The following COL4A4 variants were observed in gnomAD, a reference collection of about 807,000 sequenced individuals.
The protein encoded by COL4A4 is collagen type IV alpha 4 chain.
In COL4A4, 105 loss-of-function variants were observed where a neutral mutation model predicts 192.9. The observed-to-expected ratio is 0.54, with a 90% CI of 0.46 to 0.64. The LOEUF (loss-of-function observed/expected upper bound fraction) is 0.64, where lower values mean the gene tolerates loss of function less well. Ranked by LOEUF, COL4A4 falls within the 30% of genes least tolerant of loss-of-function variation. The probability of loss-of-function intolerance (pLI) is 0.00; values close to 1 mark genes in which losing one functional copy is unlikely to be tolerated. For synonymous variants in COL4A4, 762 were observed against 769.9 expected, an observed-to-expected ratio of 0.99 and a Z score of 0.17; for missense variants, 1,967 against 2,169.3, an observed-to-expected ratio of 0.91 and a Z score of 1.85.
chr2:227,126,138 A>G (rs1322872992), intron 4 of COL4A4, among the ~76,000 whole-genome samples: 5 of 152,242 alleles, frequency 3.3e-5, no homozygotes, highest in African/African-American at 4.8e-5. Flanking sequence ...TAACAACTGT[A>G]TACTGTATAT....
At chr2:227,041,846 A>AAGAAAGAAAGAAAGAGAGAG (rs1559478097) in intron 37 of COL4A4, among the ~76,000 whole-genome samples, 2 of 39,302 alleles carry the variant, frequency 5.1e-5, no homozygotes, top group Admixed American at 2.9e-4. Context: ...GAAAGAAAGA[A>AAGAAAGAAAGAAAGAGAGAG]AGAGAAAGAA....
intron 1 of COL4A4, among the ~76,000 whole-genome samples, chr2:227,153,836 G>A (rs2064133538): frequency 6.6e-6 from 1 of 152,144 alleles, no homozygotes; most frequent in Non-Finnish European, 1.5e-5. Context: ...AAGGACAGAT[G>A]GTTTCATGAA....
rs57119611 is a variant in COL4A4, at chr2:227,020,880, C to CTTTTTTTTTTTTTTTTTTTT, written c.4216+1167_4216+1168insAAAAAAAAAAAAAAAAAAAA. ...CAAACCATTCGGAGAACACTTTTTT[C>CTTTTTTTTTTTTTTTTTTTT]TTTTTTTTTTTTTTTTGAGATGGAG... On this transcript the variant is annotated intron_variant, in intron 44 of 47. Coordinates refer to ENST00000396625, the MANE Select transcript of COL4A4 (RefSeq NM_000092.5). Among the ~76,000 whole-genome samples the CTTTTTTTTTTTTTTTTTTTT allele has an allele frequency of 2.4e-5, 3 of 127,594 alleles. 1 individual carries two copies. The highest frequency in any genetic ancestry group is 3.2e-5 in the African/African-American group (1 of 31,572). The allele number at this position is 127,594 out of a possible 152,430, so 83.7% of individuals were successfully genotyped here. A position where few individuals can be genotyped will look rare whatever the true frequency, so the allele number is the denominator to read the frequency against.
rs753633662 is a variant in COL4A4, at chr2:227,011,583, T to C, written c.4333+598A>G. On this transcript the variant is annotated intron_variant, in intron 45 of 47. Transcript: ENST00000396625. ...GACTCTCTGGAGATGGGATTGTGTC[T>C]CAGGCTCTTTGGATCCATGCGCCTA... Among the ~76,000 whole-genome samples the C allele has an allele frequency of 8.5e-5, 13 of 152,370 alleles. No homozygotes were observed. In the South Asian group the frequency reaches 1.7e-3, roughly 19 times the overall value.
intron 3 of COL4A4, among the ~76,000 whole-genome samples, chr2:227,140,668 G>C (rs887853739): frequency 1.3e-5 from 2 of 151,852 alleles, no homozygotes; most frequent in African/African-American, 4.8e-5. Flanking sequence ...ATCAGCTACA[G>C]TGTATCTCCT....
chr2:226,975,330 G>T, the COL4A4 span, among the ~76,000 whole-genome samples: 2 of 151,970 alleles, frequency 1.3e-5, no homozygotes, highest in Non-Finnish European at 2.9e-5. Context: ...AAATCATCAC[G>T]TTGTACACCT....
At chr2:227,102,957 T>C (rs1230806754) in intron 14 of COL4A4, 109 bp from the exon 15 acceptor site, 2 of 1,219,110 alleles carry the variant, frequency 1.6e-6, no homozygotes, top group Non-Finnish European at 2.4e-6. Context: ...ACAAAAATTA[T>C]TGTCAGCAGC....
intron 37 of COL4A4, among the ~76,000 whole-genome samples, chr2:227,034,639 A>C (rs1456781267): frequency 1.3e-5 from 2 of 150,972 alleles, no homozygotes; most frequent in East Asian, 3.9e-4. Flanking sequence ...ATATGTATAC[A>C]TGTGCCATGC....
the COL4A4 span, among the ~76,000 whole-genome samples, chr2:226,981,217 TGG>T: frequency 6.6e-6 from 1 of 151,880 alleles, no homozygotes; most frequent in African/African-American, 2.4e-5. Flanking sequence ...GGGCCTGTCA[TGG>T]GGTGAGGGAT....
chr2:227,154,686 C>T (rs1221474697), intron 1 of COL4A4, among the ~76,000 whole-genome samples: 1 of 152,240 alleles, frequency 6.6e-6, no homozygotes, highest in Admixed American at 6.5e-5. Flanking sequence ...TTTCTATATA[C>T]ATTTCTCTTT....
chr2:227,047,508 G>C lies in COL4A4; in HGVS notation c.3256C>G (p.Pro1086Ala). The C allele has an allele frequency of 6.2e-7, 1 of 1,613,790 alleles. No individual in the cohort carries two copies. The highest frequency in any genetic ancestry group is 8.5e-7 in the Non-Finnish European group (1 of 1,179,854). ...CCAGGGCTACCTGGCTCACCCTTTGGACCAGGTGGACCAAAGTGACTGGCA... is the reference window on the plus strand; with the variant it reads ...CCAGGGCTACCTGGCTCACCCTTTGCACCAGGTGGACCAAAGTGACTGGCA... The part of the protein sequence containing the change: ...DPASHFGPPG[P>A]KGEPGSPGCP... The change falls in exon 35 of 48, where the codon CCA (proline) becomes GCA (alanine). Residue 1086 changes from proline to alanine, a missense_variant. Pro to Ala is a conservative substitution (Grantham distance 27). Transcript: ENST00000396625.
At chr2:227,059,665 A>G (rs1283906108) in intron 27 of COL4A4, 42 bp from the exon 28 acceptor site, 1 of 1,430,046 alleles carries the variant, frequency 7.0e-7, no homozygotes, top group Non-Finnish European at 9.9e-7. Context: ...TAACATGTGC[A>G]AGTATAGAAC....
chr2:226,999,566 G>A (rs921114447), downstream of COL4A4, among the ~76,000 whole-genome samples: 14 of 152,214 alleles, frequency 9.2e-5, 1 homozygote, highest in Admixed American at 6.5e-4. Flanking sequence ...GGGGCAGAGA[G>A]AGAATGATCT....
intron 28 of COL4A4, 86 bp from the exon 29 acceptor site, chr2:227,057,686 G>T: frequency 7.4e-7 from 1 of 1,352,592 alleles, no homozygotes; most frequent in Non-Finnish European, 1.0e-6. Context: ...TATCAATACT[G>T]GAGGTGAACA....
At chr2:227,074,584 A>G (rs2058915170) in intron 25 of COL4A4, among the ~76,000 whole-genome samples, 1 of 152,208 alleles carries the variant, frequency 6.6e-6, no homozygotes, top group African/African-American at 2.4e-5. Flanking sequence ...TCATTATATG[A>G]AAAAGACACT....
intron 12 of COL4A4, among the ~76,000 whole-genome samples, chr2:227,105,545 T>A (rs866998338): frequency 3.9e-5 from 6 of 152,350 alleles, no homozygotes; most frequent in South Asian, 2.1e-4. Flanking sequence ...AATAATATTT[T>A]AAAACTGTAA....
At chr2:226,972,731 G>A in the COL4A4 span, among the ~76,000 whole-genome samples, 1 of 152,104 alleles carries the variant, frequency 6.6e-6, no homozygotes, top group Admixed American at 6.5e-5. Context: ...CTGGTCTCTC[G>A]AGTCCAGGGG....
At position 227,045,931 on chromosome 2, in the gene COL4A4, A is replaced by T. The variant is rs1360864375; in HGVS notation, c.3289+1544T>A. ...TATATGTATGTATATGTATATGTAT[A>T]TATGTATATATGTATATATGTATAT... On this transcript the variant is annotated intron_variant, in intron 35 of 47. Transcript: ENST00000396625. Among the ~76,000 whole-genome samples, 248 of 92,048 alleles carry T rather than the reference A, an allele frequency of 2.7e-3. 18 individuals are homozygous for T. The highest frequency in any genetic ancestry group is 4.5e-3 in the African/African-American group (94 of 20,694). 60.4% of individuals were successfully genotyped at this position (92,048 alleles called of 152,430 possible). A position where few individuals can be genotyped will look rare whatever the true frequency, so the allele number is the denominator to read the frequency against.
Position 227,030,426 on chromosome 2 carries a change from C to A in COL4A4, c.3973+17G>T. ...ACCAAGTTATTCACATATTACTTAA[C>A]GGAACAACATTCATACCTTTCTGGC... On this transcript the variant is annotated intron_variant, in intron 41 of 47. Coordinates refer to ENST00000396625, the MANE Select transcript of COL4A4 (RefSeq NM_000092.5). 6.2e-7 allele frequency: 1 copy of A among 1,613,666 alleles called. No homozygotes were observed. The highest frequency in any genetic ancestry group is 8.5e-7 in the Non-Finnish European group (1 of 1,179,606).
Sources: allele counts gnomAD v4.1 joint callset (sites outside exome capture counted in the v4.1 genomes callset), GRCh38; gene constraint gnomAD v4.1.1; transcripts MANE v1.5; gene names NCBI Gene and HGNC (gene_info 2026-07-23, HGNC 2026-07-21).